Variants in SLC4A2 observed in about 807,000 individuals in gnomAD.
SLC4A2 encodes the protein solute carrier family 4 member 2.
Under a neutral mutation model 115.0 loss-of-function variants are expected in SLC4A2, and 36 were observed. The observed-to-expected ratio is 0.31, with a 90% confidence interval of 0.24 to 0.41. The LOEUF is 0.41. Ranked by LOEUF, SLC4A2 falls within the 10% of genes least tolerant of loss-of-function variation. The probability of loss-of-function intolerance (pLI) is 1.00; values close to 1 mark genes in which losing one functional copy is unlikely to be tolerated. For synonymous variants in SLC4A2, 708 were observed against 708.3 expected (o/e 1.00, Z 0.01); for missense variants, 1,252 against 1,705.6 (o/e 0.73, Z 4.68).
rs776836642 is a variant in SLC4A2, at chr7:151,074,789, C to T, written c.2995C>T (p.Leu999=). 2.0e-5 allele frequency: 33 copies of T among 1,613,146 alleles called. No homozygotes were observed. The highest frequency in any genetic ancestry group is 2.7e-5 in the Non-Finnish European group (32 of 1,179,656). The change falls in exon 19 of 23, where the codon CTG becomes TTG. Residue 999 remains leucine (L), a synonymous_variant. Transcript: ENST00000413384. ...TGTGTGGATGATGGTTGCCAGCCTG[C>T]TGCCCGCCATCCTGGTCTTCATTCT... ...FPVWMMVASL[L]PAILVFILIF...
chr7:151,071,053 C>T lies in SLC4A2; in HGVS notation c.1750-19C>T. 1 of 1,611,580 alleles carries T rather than the reference C, an allele frequency of 6.2e-7. No homozygotes were observed. Among genetic ancestry groups the T allele is most frequent in the Middle Eastern group, 1.8e-4 (1 of 5,668 alleles). ...CCCTCTTCTTTGTGCTCTCCCCCAT[C>T]CCCATGCTGCTTTGGCAGCAATTCC... On this transcript the variant is annotated intron_variant, in intron 12 of 22. Coordinates refer to ENST00000413384, the MANE Select transcript of SLC4A2 (RefSeq NM_003040.4). The surrounding 1 kb of genome is among the most constrained non-coding windows in gnomAD (Gnocchi z 5.5).
At chr7:151,073,572 T>C (rs1003969097) in intron 16 of SLC4A2, among the ~76,000 whole-genome samples, 1 of 152,200 alleles carries the variant, frequency 6.6e-6, no homozygotes, top group African/African-American at 2.4e-5. Flanking sequence ...CCCGGCCTGT[T>C]TTTTTATTTT....
intron 8 of SLC4A2, among the ~76,000 whole-genome samples, chr7:151,068,985 A>C (rs1160020322): frequency 1.3e-5 from 2 of 151,682 alleles, no homozygotes; most frequent in Non-Finnish European, 1.5e-5. Context: ...TAAAAATACA[A>C]AAAATTAGCG....
intron 8 of SLC4A2, among the ~76,000 whole-genome samples, chr7:151,069,111 C>A (rs1178635267): frequency 6.7e-5 from 8 of 119,496 alleles, no homozygotes; most frequent in Non-Finnish European, 1.1e-4. Context: ...TGCGCTCCAG[C>A]CTGAACGACA....
Position 151,071,351 on chromosome 7 carries a change from A to G in SLC4A2, c.1976-39A>G, listed in dbSNP as rs1410144378. The G allele has an allele frequency of 1.9e-6, 3 of 1,553,068 alleles. No individual in the cohort carries two copies. The highest frequency in any genetic ancestry group is 1.9e-5 in the Admixed American group (1 of 53,286). On this transcript the variant is annotated intron_variant, in intron 13 of 22. Transcript: ENST00000413384. The surrounding 1 kb of genome is among the most constrained non-coding windows in gnomAD (Gnocchi z 5.5). ...CTGCCTCGAGGGGGTGAGGTGGGCAAGAGGGGCTGGGGCGCCCTGACGGAG... is the reference window on the plus strand; with the variant it reads ...CTGCCTCGAGGGGGTGAGGTGGGCAGGAGGGGCTGGGGCGCCCTGACGGAG...
Position 151,060,919 on chromosome 7 carries a change from T to C in SLC4A2, c.-63-1006T>C, listed in dbSNP as rs546650277. 7.9e-5 allele frequency among the ~76,000 whole-genome samples: 12 copies of C among 152,220 alleles called. No homozygotes were observed. The South Asian group carries it at 2.5e-3, about 32-fold the overall frequency. On this transcript the variant is annotated intron_variant, in intron 1 of 22. Coordinates refer to ENST00000413384, the MANE Select transcript of SLC4A2 (RefSeq NM_003040.4). This position sits in a 1 kb window ranked among gnomAD's most constrained non-coding sequence, Gnocchi z 5.9. Reference sequence around the variant, plus strand: ...AGTCCCCAGCAACACACTGGGAGCATGGGTTGTTGGGTACCGTCACTTTTT... The same window carrying C: ...AGTCCCCAGCAACACACTGGGAGCACGGGTTGTTGGGTACCGTCACTTTTT...
intron 8 of SLC4A2, among the ~76,000 whole-genome samples, chr7:151,069,421 G>C (rs370191503): frequency 6.6e-6 from 1 of 152,188 alleles, no homozygotes; most frequent in African/African-American, 2.4e-5. Flanking sequence ...GGCGAGGGGA[G>C]GTTGAGAAGC....
rs1262322231 is a variant in SLC4A2, at chr7:151,071,613, G to C, written c.2191+8G>C. On this transcript the variant is annotated splice_region_variant and intron_variant, in intron 14 of 22. Transcript: ENST00000413384. This position sits in a 1 kb window ranked among gnomAD's most constrained non-coding sequence, Gnocchi z 5.5. Reference sequence around the variant, plus strand: ...CCTTTGGGGGGCTGCTGGGTGAGGAGAGCCTTCAGGTAGGGGGCGGCGGGG... The same window carrying C: ...CCTTTGGGGGGCTGCTGGGTGAGGACAGCCTTCAGGTAGGGGGCGGCGGGG... 22 of 1,613,708 alleles carry C rather than the reference G, an allele frequency of 1.4e-5. No homozygotes were observed. The highest frequency in any genetic ancestry group is 1.9e-5 in the Non-Finnish European group (22 of 1,179,970).
Position 151,064,776 on chromosome 7 carries a change from G to A in SLC4A2, c.459+9G>A. On this transcript the variant is annotated intron_variant, in intron 4 of 22. Transcript: ENST00000413384. ...CACCCTCCTCGGTGCAGGTGCGCTG[G>A]GTGCGGGCTCCTAGGGCATGTCGGC... 6.2e-7 allele frequency: 1 copy of A among 1,606,884 alleles called. No homozygotes were observed. The highest frequency in any genetic ancestry group is 1.1e-5 in the South Asian group (1 of 90,836).
At chr7:151,068,417 TTTGC>T (rs1452318950) in intron 8 of SLC4A2, among the ~76,000 whole-genome samples, 1 of 152,200 alleles carries the variant, frequency 6.6e-6, no homozygotes, top group African/African-American at 2.4e-5. Context: ...AAGCCCTGTG[TTTGC>T]TTGCTTGCTC....
At chr7:151,070,596 G>A (rs537883574) in intron 11 of SLC4A2, 25 bp downstream of exon 11, 12 of 1,606,366 alleles carry the variant, frequency 7.5e-6, no homozygotes, top group Middle Eastern at 1.7e-4. Flanking sequence ...TCACATGTAG[G>A]GGGCTTGGTG....
intron 9 of SLC4A2, 42 bp downstream of exon 9, chr7:151,070,124 C>T: frequency 1.2e-6 from 2 of 1,613,954 alleles, no homozygotes; most frequent in Non-Finnish European, 1.7e-6. Flanking sequence ...CTTCAGCCCA[C>T]CTGCCCTGGC....
Position 151,060,065 on chromosome 7 carries a change from G to T in SLC4A2, c.-64+303G>T, listed in dbSNP as rs1445902565. The T allele has an allele frequency of 1.3e-5, 2 of 152,108 alleles. No homozygotes were observed. The highest frequency in any genetic ancestry group is 4.8e-5 in the African/African-American group (2 of 41,400). 9.4% of individuals were successfully genotyped at this position (152,108 alleles called of 1,614,324 possible). On this transcript the variant is annotated intron_variant, in intron 1 of 22. Coordinates refer to ENST00000413384, the MANE Select transcript of SLC4A2 (RefSeq NM_003040.4). The surrounding 1 kb of genome is among the most constrained non-coding windows in gnomAD (Gnocchi z 5.9). ...CGCCGGCCCTCCCACTCCCCGGCTG[G>T]CTCCAGACCACCCCTCCCCTCCGGC... is the stretch of plus-strand genomic sequence containing the variant.
intron 2 of SLC4A2, among the ~76,000 whole-genome samples, chr7:151,063,684 G>A (rs1797132105): frequency 6.6e-6 from 1 of 151,884 alleles, no homozygotes; most frequent in African/African-American, 2.4e-5. Flanking sequence ...TGCATTTGAG[G>A]GGGCAGACTG....
Position 151,075,493 on chromosome 7 carries a change from G to A in SLC4A2, c.3286G>A (p.Val1096Ile). 1 of 1,599,860 alleles carries A rather than the reference G, an allele frequency of 6.3e-7. No individual in the cohort carries two copies. Among genetic ancestry groups the A allele is most frequent in the Non-Finnish European group, 8.5e-7 (1 of 1,179,302 alleles). Reference protein sequence around the residue: ...VKEQRVTGLLVALLVGLSIVI... With the variant: ...VKEQRVTGLLIALLVGLSIVI... ...GGAGCAGCGGGTGACGGGGCTGCTG[G>A]TTGCCCTGCTTGTGGGTACGTTGCC... Residue 1096 changes from valine (V) to isoleucine (I), a missense_variant, in exon 20 of 23, where the codon GTT becomes ATT. By Grantham distance (29) the Val-to-Ile change is conservative. Around this residue, in one of 14 missense-constraint regions of SLC4A2, gnomAD observed 253 missense variants for 407.4 expected, o/e 0.62. Transcript: ENST00000413384.
Position 151,070,635 on chromosome 7 carries a change from C to T in SLC4A2, c.1564+64C>T, listed in dbSNP as rs1484759751. On this transcript the variant is annotated intron_variant, in intron 11 of 22. Transcript: ENST00000413384. ...AGGCCTTGAGGCAGAGTCCTGTAGT[C>T]TCCCTGGCCCTGCCTTGGTGCCACC... is the stretch of plus-strand genomic sequence containing the variant. 10 of 1,597,780 alleles carry T rather than the reference C, an allele frequency of 6.3e-6. No homozygotes were observed. The African/African-American group carries it at 1.2e-4, about 19-fold the overall frequency.
intron 2 of SLC4A2, chr7:151,062,657 GC>G: frequency 6.6e-7 from 1 of 1,523,086 alleles, no homozygotes; most frequent in Non-Finnish European, 8.8e-7. Context: ...TCCTCCTGCG[GC>G]CTCAGGTGCG....
Position 151,070,198 on chromosome 7 carries a change from A to G in SLC4A2, c.1301A>G (p.Lys434Arg). 1 of 1,614,162 alleles carries G rather than the reference A, an allele frequency of 6.2e-7. No individual in the cohort carries two copies. Among genetic ancestry groups the G allele is most frequent in the African/African-American group, 1.3e-5 (1 of 75,066 alleles). Residue 434 changes from lysine to arginine, a missense_variant, in exon 10 of 23, where the codon AAG becomes AGG. By Grantham distance (26) the Lys-to-Arg change is conservative. This residue lies in a region of SLC4A2 where 142 missense variants were observed against 153.5 expected (regional missense o/e 0.93). Transcript: ENST00000413384. ...LLKHSHPSDE[K>R]DFSFPRNISA... ...CCCACCAGCCACCCAAGTGATGAGA[A>G]GGACTTCTCCTTCCCCCGCAACATC...
chr7:151,067,134 G>A, intron 7 of SLC4A2, 141 bp downstream of exon 7: 1 of 916,308 alleles, frequency 1.1e-6, no homozygotes, highest in South Asian at 1.7e-5. Flanking sequence ...TGTTGCCCAG[G>A]ATGGAGTGCA....
Sources: gnomAD v4.1 joint callset for allele counts (sites outside exome capture counted in the v4.1 genomes callset) on GRCh38, gnomAD v4.1.1 for gene constraint, gnomAD v4.1.1 regional missense constraint, Gnocchi (gnomAD v3.1) non-coding constraint, MANE v1.5 for transcripts, NCBI Gene and HGNC (gene_info 2026-07-23, HGNC 2026-07-21) for gene names.